The following LYPLAL1 variants were observed in gnomAD, a reference collection of about 807,000 sequenced individuals.
LYPLAL1 encodes the protein lysophospholipase-like protein 1.
LYPLAL1 carries 23 observed loss-of-function variants against 19.7 expected under a neutral mutation model. The ratio of observed to expected loss-of-function variants is 1.17; its 90% confidence interval spans 0.84 to 1.65. The LOEUF is 1.65. Among genes scored for constraint, LYPLAL1 ranks in the 40% most tolerant of loss-of-function variants. LYPLAL1 has a pLI of 0.00. For synonymous variants in LYPLAL1, 119 were observed against 96.3 expected (o/e 1.24, Z -1.38); for missense variants, 355 against 279.4 (o/e 1.27, Z -1.93).
chr1:219,226,817 A>C, the LYPLAL1 span, among the ~76,000 whole-genome samples: 1 of 152,242 alleles, frequency 6.6e-6, no homozygotes, highest in Non-Finnish European at 1.5e-5. Context: ...AGTTGTTGTA[A>C]AGATGAATAT....
the LYPLAL1 span, among the ~76,000 whole-genome samples, chr1:219,310,324 C>A: frequency 3.9e-5 from 6 of 152,192 alleles, no homozygotes; most frequent in Admixed American, 6.5e-5. Context: ...CACATGCAGT[C>A]AGCCCTGCCT....
chr1:219,440,004 TATATATATACACACACACAC>T, the LYPLAL1 span, among the ~76,000 whole-genome samples: 71 of 104,296 alleles, frequency 6.8e-4, 1 homozygote, highest in Middle Eastern at 8.8e-3. Context: ...CACATATATA[TATATATATACACACACACAC>T]ATATATATAT....
chr1:219,434,013 G>A, the LYPLAL1 span, among the ~76,000 whole-genome samples: 1 of 151,836 alleles, frequency 6.6e-6, no homozygotes, highest in Admixed American at 6.6e-5. Context: ...GAAAGTTTCC[G>A]AGAAATGCCT....
At chr1:219,385,497 G>T in the LYPLAL1 span, among the ~76,000 whole-genome samples, 1 of 151,650 alleles carries the variant, frequency 6.6e-6, no homozygotes, top group Non-Finnish European at 1.5e-5. Flanking sequence ...GTGTTCCACT[G>T]TTATAGCACG....
At chr1:219,381,695 G>A in the LYPLAL1 span, among the ~76,000 whole-genome samples, 1 of 152,122 alleles carries the variant, frequency 6.6e-6, no homozygotes, top group South Asian at 2.1e-4. Flanking sequence ...ATTTGAGAAG[G>A]ACTAAGAAGA....
the LYPLAL1 span, among the ~76,000 whole-genome samples, chr1:219,340,462 A>T: frequency 6.6e-6 from 1 of 152,046 alleles, no homozygotes; most frequent in African/African-American, 2.4e-5. Flanking sequence ...AATTAAGAGG[A>T]TGGGATACCA....
the LYPLAL1 span, among the ~76,000 whole-genome samples, chr1:219,229,651 C>T: frequency 2.0e-5 from 3 of 152,236 alleles, no homozygotes; most frequent in Non-Finnish European, 1.5e-5. Flanking sequence ...CTGTAATACA[C>T]GCCCACTAGG....
the LYPLAL1 span, among the ~76,000 whole-genome samples, chr1:219,389,833 A>G: frequency 5.9e-5 from 9 of 152,210 alleles, no homozygotes; most frequent in African/African-American, 1.4e-4. Context: ...ATAATTATCA[A>G]GAATGGATGA....
chr1:219,218,642 T>C, the LYPLAL1 span, among the ~76,000 whole-genome samples: 5 of 152,136 alleles, frequency 3.3e-5, no homozygotes, highest in South Asian at 2.1e-4. Flanking sequence ...AAATTCAGAC[T>C]ATATGATCAC....
chr1:219,180,185 A>G (rs1185696373), intron 2 of LYPLAL1, among the ~76,000 whole-genome samples: 1 of 152,080 alleles, frequency 6.6e-6, no homozygotes, highest in Non-Finnish European at 1.5e-5. Context: ...AGGTTTTGCC[A>G]TGTTGGCTAG....
intron 3 of LYPLAL1, among the ~76,000 whole-genome samples, chr1:219,194,215 T>A (rs542332500): frequency 6.6e-6 from 1 of 151,926 alleles, no homozygotes; most frequent in African/African-American, 2.4e-5. Context: ...TGTTTAACTC[T>A]ATATTTCTGT....
the LYPLAL1 span, among the ~76,000 whole-genome samples, chr1:219,218,142 A>G: frequency 6.6e-6 from 1 of 152,080 alleles, no homozygotes; most frequent in East Asian, 1.9e-4. Flanking sequence ...TATATTGTTT[A>G]TAGGAAATTG....
the LYPLAL1 span, among the ~76,000 whole-genome samples, chr1:219,384,409 A>G: frequency 6.6e-6 from 1 of 152,230 alleles, no homozygotes; most frequent in African/African-American, 2.4e-5. Context: ...ACTACATTTG[A>G]ATGATACCTC....
At chr1:219,298,921 C>G in the LYPLAL1 span, among the ~76,000 whole-genome samples, 4 of 152,264 alleles carry the variant, frequency 2.6e-5, no homozygotes, top group East Asian at 7.7e-4. Context: ...AGGCGGAATT[C>G]CTACAAATTC....
At chr1:219,216,102 C>T (rs1181960051), downstream of LYPLAL1, among the ~76,000 whole-genome samples, 1 of 151,998 alleles carries the variant, frequency 6.6e-6, no homozygotes, top group East Asian at 1.9e-4. Context: ...TTTTTCATAT[C>T]AGATACTGTT....
At chr1:219,255,312 G>T in the LYPLAL1 span, among the ~76,000 whole-genome samples, 7 of 151,870 alleles carry the variant, frequency 4.6e-5, no homozygotes, top group East Asian at 1.4e-3. Context: ...AATTTTGAAT[G>T]TAGAGATCTT....
intron 3 of LYPLAL1, among the ~76,000 whole-genome samples, chr1:219,194,119 G>C (rs1657415194): frequency 6.6e-6 from 1 of 151,848 alleles, no homozygotes. Flanking sequence ...ATTCTATTCT[G>C]TCTTGGCGTT....
At chr1:219,420,884 T>C in the LYPLAL1 span, among the ~76,000 whole-genome samples, 1 of 152,218 alleles carries the variant, frequency 6.6e-6, no homozygotes, top group Non-Finnish European at 1.5e-5. Context: ...TAAGTAGATG[T>C]AGCATGCTCT....
At chr1:219,441,731 A>C in the LYPLAL1 span, among the ~76,000 whole-genome samples, 1 of 152,146 alleles carries the variant, frequency 6.6e-6, no homozygotes, top group Non-Finnish European at 1.5e-5. Flanking sequence ...AGAGCGAGAG[A>C]CAGAGAAAGA....
Sources: allele counts gnomAD v4.1 joint callset (sites outside exome capture counted in the v4.1 genomes callset), GRCh38; gene constraint gnomAD v4.1.1; transcripts MANE v1.5; gene names NCBI Gene and HGNC (gene_info 2026-07-23, HGNC 2026-07-21).